Variants in TRAK1 observed in about 807,000 individuals in gnomAD.
The protein encoded by TRAK1 is trafficking kinesin-binding protein 1.
In TRAK1, 33 loss-of-function variants were observed where a neutral mutation model predicts 92.1. That is an observed-to-expected ratio of 0.36 (90% CI 0.27 to 0.48). The LOEUF (loss-of-function observed/expected upper bound fraction) is 0.48, where lower values mean the gene tolerates loss of function less well. Ranked by LOEUF, TRAK1 falls within the 20% of genes least tolerant of loss-of-function variation. The pLI is 0.99. For synonymous variants in TRAK1, 521 were observed against 517.3 expected (o/e 1.01, Z -0.10); for missense variants, 1,123 against 1,257.9 (o/e 0.89, Z 1.62).
chr3:42,025,765 G>A (rs915487814), intron 1 of TRAK1, among the ~76,000 whole-genome samples: 1 of 152,094 alleles, frequency 6.6e-6, no homozygotes, highest in African/African-American at 2.4e-5. Context: ...CAGTCACGTG[G>A]GTGGTGAGCT....
Position 42,013,934 on chromosome 3 carries a change from A to G in TRAK1, c.-702A>G. 6.7e-6 allele frequency: 1 copy of G among 150,012 alleles called. No homozygotes were observed. Among genetic ancestry groups the G allele is most frequent in the South Asian group, 2.1e-4 (1 of 4,782 alleles). The allele number at this position is 150,012 out of a possible 1,614,324, so 9.3% of individuals were successfully genotyped here. ...AGCGCCAGAGCGGCAGGCGGGCAGC[A>G]GGAGGCGGCGGCGCCAGAGCGGAGC... On this transcript the variant is annotated 5_prime_UTR_variant, in exon 1 of 17. Coordinates refer to the TRAK1 transcript ENST00000487159. This position sits in a 1 kb window ranked among gnomAD's most constrained non-coding sequence, Gnocchi z 5.1.
chr3:42,205,042 C>A (rs1160212583), intron 13 of TRAK1, among the ~76,000 whole-genome samples: 1 of 152,150 alleles, frequency 6.6e-6, no homozygotes, highest in Non-Finnish European at 1.5e-5. Context: ...ATAAATCACC[C>A]CACTTTTTGA....
At chr3:42,110,148 G>A (rs1472790884) in intron 1 of TRAK1, among the ~76,000 whole-genome samples, 2 of 110,370 alleles carry the variant, frequency 1.8e-5, no homozygotes, top group Non-Finnish European at 3.7e-5. Flanking sequence ...TGTGTGTGTT[G>A]CAAAATTGGA....
Position 42,194,918 on chromosome 3 carries a change from C to T in TRAK1, c.1090C>T (p.His364Tyr). The change falls in exon 10 of 16, where the codon CAC becomes TAC. Residue 364 changes from histidine to tyrosine, a missense_variant. Physicochemically the swap from His to Tyr is moderately conservative, Grantham distance 83. Around this residue, in one of 3 missense-constraint regions of TRAK1, gnomAD observed 686 missense variants for 747.6 expected, o/e 0.92. Coordinates refer to ENST00000327628, the MANE Select transcript of TRAK1 (RefSeq NM_001042646.3). ...GCCCAATACCACGTCTCGGCGCTAC[C>T]ACTCACTGGGCCTGTTTCCCATGGT... is the stretch of plus-strand genomic sequence containing the variant. ...TMPNTTSRRY[H>Y]SLGLFPMDSL... The T allele has an allele frequency of 6.2e-7, 1 of 1,613,856 alleles. No homozygotes were observed. The highest frequency in any genetic ancestry group is 8.5e-7 in the Non-Finnish European group (1 of 1,179,890).
chr3:42,093,646 TCTCCCCTTCCCTTCCCTTCC>T (rs1559755454), intron 1 of TRAK1, among the ~76,000 whole-genome samples: 9 of 62,168 alleles, frequency 1.4e-4, no homozygotes, highest in East Asian at 4.4e-4. Context: ...TTCTCTTTTT[TCTCCCCTTCCCTTCCCTTCC>T]CTCCCCTCCC....
chr3:42,028,168 A>G (rs1281442619), intron 1 of TRAK1, among the ~76,000 whole-genome samples: 2 of 152,354 alleles, frequency 1.3e-5, no homozygotes, highest in East Asian at 3.9e-4. Flanking sequence ...CTGTTCTTAC[A>G]AACTAGTGGA....
At chr3:42,130,180 T>C (rs1046211066) in intron 2 of TRAK1, among the ~76,000 whole-genome samples, 2 of 152,162 alleles carry the variant, frequency 1.3e-5, no homozygotes, top group African/African-American at 4.8e-5. Flanking sequence ...CTATAGACTT[T>C]TGTAGTCACA....
chr3:42,205,160 AG>A (rs1362106614), intron 13 of TRAK1, among the ~76,000 whole-genome samples: 4 of 152,288 alleles, frequency 2.6e-5, no homozygotes, highest in African/African-American at 9.6e-5. Context: ...GGCATCTAAT[AG>A]GTGCTTATTA....
In TRAK1 at chr3:42,061,738, T is replaced by A. The variant is rs533509191; in HGVS notation, c.-518-25366T>A. 1.6e-3 allele frequency among the ~76,000 whole-genome samples: 243 copies of A among 152,276 alleles called. 2 individuals carry two copies. The highest frequency in any genetic ancestry group is 2.9e-3 in the Non-Finnish European group (196 of 68,028). ...ACTTCTTTCCCATCTAATTTATGAA[T>A]CAGAACACCAACAATATATACCAGT... On this transcript the variant is annotated intron_variant, in intron 1 of 16. Coordinates refer to the TRAK1 transcript ENST00000487159.
At chr3:42,070,139 C>G (rs1353302571) in intron 1 of TRAK1, among the ~76,000 whole-genome samples, 2 of 151,992 alleles carry the variant, frequency 1.3e-5, no homozygotes, top group Middle Eastern at 3.4e-3. Context: ...GTTTAATCCA[C>G]TGTGCCCAGC....
chr3:42,217,156 C>A, intron 14 of TRAK1: 3 of 597,670 alleles, frequency 5.0e-6, no homozygotes, highest in Non-Finnish European at 6.3e-6. Context: ...CTTTAGGAAT[C>A]AGCCCGTTGC....
intron 1 of TRAK1, among the ~76,000 whole-genome samples, chr3:42,063,193 C>A (rs2148928054): frequency 6.6e-6 from 1 of 152,364 alleles, no homozygotes; most frequent in South Asian, 2.1e-4. Flanking sequence ...GACTGCCTTC[C>A]AGCTACAACT....
intron 1 of TRAK1, among the ~76,000 whole-genome samples, chr3:42,073,779 G>A (rs902523693): frequency 3.3e-5 from 5 of 152,166 alleles, no homozygotes; most frequent in Admixed American, 6.5e-5. Context: ...GAGCTGACCC[G>A]GACTGATGGG....
chr3:42,072,317 A>G (rs1393152620), intron 1 of TRAK1, among the ~76,000 whole-genome samples: 3 of 152,018 alleles, frequency 2.0e-5, no homozygotes, highest in Non-Finnish European at 4.4e-5. Flanking sequence ...CAGGTGGTGC[A>G]TCTTCACTGG....
At chr3:42,132,734 C>T (rs1396816618) in intron 2 of TRAK1, among the ~76,000 whole-genome samples, 2 of 152,088 alleles carry the variant, frequency 1.3e-5, no homozygotes, top group African/African-American at 2.4e-5. Context: ...TTGGCGTGCC[C>T]AGCCTGCTTC....
intron 1 of TRAK1, among the ~76,000 whole-genome samples, chr3:42,053,444 G>A (rs796693283): frequency 1.5e-4 from 22 of 151,312 alleles, no homozygotes; most frequent in African/African-American, 5.3e-4. Context: ...TGACTGTTCT[G>A]GGGATGGGGT....
rs1198118487 is a variant in TRAK1, at chr3:42,193,875, G to T, written c.952G>T (p.Ala318Ser). The T allele has an allele frequency of 6.2e-7, 1 of 1,614,184 alleles. No homozygotes were observed. Among genetic ancestry groups the T allele is most frequent in the South Asian group, 1.1e-5 (1 of 91,070 alleles). ...LVQHLGAAKD[A>S]QRQLTAELRE... ...CCAGCATCTGGGGGCTGCTAAGGAT[G>T]CCCAGCGGCAGCTCACAGCCGAGGT... The change falls in exon 9 of 16, where the codon GCC (alanine) becomes TCC (serine). Residue 318 changes from alanine to serine, a missense_variant. By Grantham distance (99) the Ala-to-Ser change is moderately conservative. Around this residue, in one of 3 missense-constraint regions of TRAK1, gnomAD observed 686 missense variants for 747.6 expected, o/e 0.92. Coordinates refer to ENST00000327628, the MANE Select transcript of TRAK1 (RefSeq NM_001042646.3).
intron 1 of TRAK1, among the ~76,000 whole-genome samples, chr3:42,099,043 G>A (rs948348217): frequency 1.3e-5 from 2 of 151,704 alleles, no homozygotes; most frequent in Non-Finnish European, 2.9e-5. Flanking sequence ...GGGGAAGGGG[G>A]TTGCAGTCAG....
intron 10 of TRAK1, among the ~76,000 whole-genome samples, chr3:42,197,407 T>C (rs754012653): frequency 3.3e-5 from 5 of 152,132 alleles, no homozygotes; most frequent in East Asian, 1.9e-4. Context: ...ATGTAAGGAG[T>C]TGTTATACTG....
Sources: gnomAD v4.1 joint callset for allele counts (sites outside exome capture counted in the v4.1 genomes callset) on GRCh38, gnomAD v4.1.1 for gene constraint, gnomAD v4.1.1 regional missense constraint, Gnocchi (gnomAD v3.1) non-coding constraint, MANE v1.5 for transcripts, NCBI Gene and HGNC (gene_info 2026-07-23, HGNC 2026-07-21) for gene names.